The following JAZF1 variants were observed in gnomAD, a reference collection of about 807,000 sequenced individuals.
JAZF1 encodes JAZF zinc finger 1.
Under a neutral mutation model 26.4 loss-of-function variants are expected in JAZF1, and 8 were observed. That is an observed-to-expected ratio of 0.30 (90% CI 0.18 to 0.55). The LOEUF (loss-of-function observed/expected upper bound fraction) is 0.55, where lower values mean the gene tolerates loss of function less well. Among genes scored for constraint, JAZF1 ranks in the 20% least tolerant of loss-of-function variants. The pLI is 0.94. For synonymous variants in JAZF1, 126 were observed against 122.3 expected (o/e 1.03, Z -0.20); for missense variants, 199 against 322.0 (o/e 0.62, Z 2.92).
At chr7:28,035,710 G>T (rs1028841681) in intron 1 of JAZF1, among the ~76,000 whole-genome samples, 4 of 152,086 alleles carry the variant, frequency 2.6e-5, no homozygotes, top group Non-Finnish European at 5.9e-5. Flanking sequence ...ACTCATTAGT[G>T]AGTACACAGA....
Position 28,040,928 on chromosome 7 carries a change from T to C in JAZF1, c.116-48947A>G, listed in dbSNP as rs928737575. Among the ~76,000 whole-genome samples the C allele has an allele frequency of 5.9e-5, 9 of 152,216 alleles. 1 individual carries two copies. The South Asian group carries it at 6.2e-4, about 11-fold the overall frequency. On this transcript the variant is annotated intron_variant, in intron 1 of 4. Coordinates refer to ENST00000283928, the MANE Select transcript of JAZF1 (RefSeq NM_175061.4). The stretch of plus-strand genomic sequence containing the variant: ...AATTTAATATGCCCCAAATTCAACA[T>C]AGCAGACACTATGTTCCTTAATGTT...
intron 1 of JAZF1, among the ~76,000 whole-genome samples, chr7:28,001,953 T>C (rs979475211): frequency 6.6e-6 from 1 of 152,160 alleles, no homozygotes; most frequent in Admixed American, 6.5e-5. Context: ...AGGAGTTTGA[T>C]AGACAAGAAT....
chr7:27,930,263 G>A (rs1784668941), intron 2 of JAZF1, among the ~76,000 whole-genome samples: 1 of 152,142 alleles, frequency 6.6e-6, no homozygotes, highest in African/African-American at 2.4e-5. Flanking sequence ...CCAAAGTACT[G>A]GGATTACAGG....
intron 2 of JAZF1, among the ~76,000 whole-genome samples, chr7:27,910,398 T>C (rs112505104): frequency 6.6e-6 from 1 of 152,320 alleles, no homozygotes; most frequent in African/African-American, 2.4e-5. Flanking sequence ...TTTTCAAGAA[T>C]GTCACTACTT....
At chr7:27,888,435 C>A (rs1304863188) in intron 3 of JAZF1, among the ~76,000 whole-genome samples, 6 of 151,946 alleles carry the variant, frequency 3.9e-5, no homozygotes, top group African/African-American at 1.5e-4. Context: ...CCTTACTAAG[C>A]CTATTTAAGT....
chr7:27,931,455 ACT>A lies in JAZF1; in HGVS notation c.189-36041_189-36040del, dbSNP rs1278206494. Among the ~76,000 whole-genome samples, 3 of 152,250 alleles carry A rather than the reference ACT, an allele frequency of 2.0e-5. No individual in the cohort carries two copies. In the East Asian group the frequency reaches 5.8e-4, roughly 29 times the overall value. ...CAGGACTATTACATTACAAGAATAAACTCTGCATGTGGGAATTTGGGATACCT... is the reference window on the plus strand; with the variant it reads ...CAGGACTATTACATTACAAGAATAAACTGCATGTGGGAATTTGGGATACCT... On this transcript the variant is annotated intron_variant, in intron 2 of 4. Coordinates refer to ENST00000283928, the MANE Select transcript of JAZF1 (RefSeq NM_175061.4).
intron 3 of JAZF1, among the ~76,000 whole-genome samples, chr7:27,860,922 C>T (rs146148781): frequency 6.6e-5 from 10 of 152,266 alleles, no homozygotes; most frequent in Non-Finnish European, 1.5e-4. Context: ...TGCCCTCTGT[C>T]CTTCTACTCC....
In JAZF1 at chr7:27,975,753, A is replaced by G. The variant is rs187939505; in HGVS notation, c.188+16156T>C. 2.7e-3 allele frequency among the ~76,000 whole-genome samples: 405 copies of G among 152,358 alleles called. 2 individuals carry two copies. The highest frequency in any genetic ancestry group is 8.9e-3 in the African/African-American group (371 of 41,584). On this transcript the variant is annotated intron_variant, in intron 2 of 4. Coordinates refer to ENST00000283928, the MANE Select transcript of JAZF1 (RefSeq NM_175061.4). ...ATAAAGCAGCTTTGAATTGGGCTCA[A>G]AGATGCATAAAAAGATCAGTCATAA...
At position 27,832,658 on chromosome 7, in the gene JAZF1, C is replaced by CGT; in HGVS notation, c.*141_*142insAC. On this transcript the variant is annotated 3_prime_UTR_variant, in exon 5 of 5. Transcript: ENST00000283928. ...TTAACTCTACAAAGATACATCATTC[C>CGT]AAAATTACAGAAAAAATTTAAAGCA... 1 of 629,502 alleles carries CGT rather than the reference C, an allele frequency of 1.6e-6. No individual in the cohort carries two copies. The highest frequency in any genetic ancestry group is 2.6e-6 in the Non-Finnish European group (1 of 387,964). The allele number at this position is 629,502 out of a possible 1,614,324, so 39.0% of individuals were successfully genotyped here.
intron 1 of JAZF1, among the ~76,000 whole-genome samples, chr7:28,129,126 G>A (rs878948175): frequency 1.3e-5 from 2 of 151,184 alleles, no homozygotes; most frequent in Non-Finnish European, 2.9e-5. Context: ...TGGACAGAGG[G>A]TCTTTCTTAG....
intron 2 of JAZF1, among the ~76,000 whole-genome samples, chr7:27,917,490 GT>G (rs1470962869): frequency 2.6e-5 from 4 of 152,192 alleles, no homozygotes; most frequent in Admixed American, 1.3e-4. Context: ...TGTCTAACAA[GT>G]TCCCAGGTGA....
At chr7:28,170,604 T>C (rs1227875686) in intron 1 of JAZF1, among the ~76,000 whole-genome samples, 3 of 152,156 alleles carry the variant, frequency 2.0e-5, no homozygotes, top group African/African-American at 7.2e-5. Context: ...ACCTAAGTGT[T>C]TTCTTCAGAA....
At chr7:28,037,471 G>T (rs1783313700) in intron 1 of JAZF1, among the ~76,000 whole-genome samples, 1 of 152,182 alleles carries the variant, frequency 6.6e-6, no homozygotes, top group Non-Finnish European at 1.5e-5. Context: ...GGGAAAAAGA[G>T]GGGACATAGT....
At chr7:28,055,045 C>T (rs1468680742) in intron 1 of JAZF1, among the ~76,000 whole-genome samples, 1 of 152,012 alleles carries the variant, frequency 6.6e-6, no homozygotes, top group Non-Finnish European at 1.5e-5. Flanking sequence ...CAGTCAAGTA[C>T]ACTTAGAATT....
intron 3 of JAZF1, among the ~76,000 whole-genome samples, chr7:27,888,103 G>A (rs866623061): frequency 2.6e-5 from 4 of 152,148 alleles, no homozygotes; most frequent in South Asian, 2.1e-4. Flanking sequence ...CTACAAAAGC[G>A]GGTATTTATG....
chr7:27,949,202 G>T (rs1435051573), intron 2 of JAZF1, among the ~76,000 whole-genome samples: 1 of 152,222 alleles, frequency 6.6e-6, no homozygotes, highest in African/African-American at 2.4e-5. Flanking sequence ...GAGTTGAGGA[G>T]AGAGAAAGGG....
At chr7:27,924,111 C>A (rs987540928) in intron 2 of JAZF1, among the ~76,000 whole-genome samples, 1 of 152,174 alleles carries the variant, frequency 6.6e-6, no homozygotes, top group African/African-American at 2.4e-5. Context: ...CCGAGTCTTG[C>A]TCTGTCGCCC....
chr7:28,103,472 A>T (rs2127928731), intron 1 of JAZF1, among the ~76,000 whole-genome samples: 1 of 152,138 alleles, frequency 6.6e-6, no homozygotes, highest in East Asian at 1.9e-4. Context: ...TTTTTTTTTA[A>T]TTGCCCACTG....
At chr7:27,846,303 G>GTA (rs1370599076) in intron 3 of JAZF1, among the ~76,000 whole-genome samples, 5 of 151,538 alleles carry the variant, frequency 3.3e-5, no homozygotes, top group African/African-American at 1.2e-4. Context: ...AGGCTGAATA[G>GTA]TATTCCATTG....
Sources: gnomAD v4.1 joint callset for allele counts (sites outside exome capture counted in the v4.1 genomes callset) on GRCh38, gnomAD v4.1.1 for gene constraint, MANE v1.5 for transcripts, NCBI Gene and HGNC (gene_info 2026-07-23, HGNC 2026-07-21) for gene names.